The following GRIN2B variants were observed in gnomAD, a reference collection of about 807,000 sequenced individuals.
GRIN2B encodes glutamate receptor ionotropic, NMDA 2B.
In GRIN2B, 5 loss-of-function variants were observed where a neutral mutation model predicts 114.5. The ratio of observed to expected loss-of-function variants is 0.04; its 90% confidence interval spans 0.02 to 0.09. The LOEUF (loss-of-function observed/expected upper bound fraction) is 0.09, where lower values mean the gene tolerates loss of function less well. Among genes scored for constraint, GRIN2B ranks in the 10% least tolerant of loss-of-function variants. The pLI, the probability that GRIN2B is intolerant of heterozygous loss-of-function variation, is 1.00. For missense variants in GRIN2B, 1,108 were observed against 1,943.5 expected, an observed-to-expected ratio of 0.57 and a Z score of 8.08; for synonymous variants, 787 against 745.1, an observed-to-expected ratio of 1.06 and a Z score of -0.92.
intron 3 of GRIN2B, among the ~76,000 whole-genome samples, chr12:13,818,404 T>C (rs902160870): frequency 6.6e-6 from 1 of 152,250 alleles, no homozygotes; most frequent in Non-Finnish European, 1.5e-5. Flanking sequence ...AAGCTCTTCA[T>C]GCACTTTTAT....
intron 2 of GRIN2B, among the ~76,000 whole-genome samples, chr12:13,927,285 G>A (rs1464410255): frequency 6.6e-6 from 1 of 152,152 alleles, no homozygotes; most frequent in East Asian, 1.9e-4. Context: ...TATTTCCCTG[G>A]AGGTTAAGAA....
chr12:13,861,689 G>A (rs1865754320), intron 3 of GRIN2B, among the ~76,000 whole-genome samples: 1 of 152,124 alleles, frequency 6.6e-6, no homozygotes, highest in South Asian at 2.1e-4. Context: ...TTCCCTGGTG[G>A]GGTGAGACCA....
At chr12:13,757,572 T>G (rs981610234) in intron 3 of GRIN2B, among the ~76,000 whole-genome samples, 9 of 152,208 alleles carry the variant, frequency 5.9e-5, no homozygotes, top group Admixed American at 1.3e-4. Flanking sequence ...CTAATGTCAT[T>G]ACAAAATGTT....
At position 13,866,148 on chromosome 12, in the gene GRIN2B, C is replaced by T. The variant is rs79046967; in HGVS notation, c.61G>A (p.Val21Met). 175 of 1,612,876 alleles carry T rather than the reference C, an allele frequency of 1.1e-4. No homozygotes were observed. Among genetic ancestry groups the T allele is most frequent in the Admixed American group, 8.5e-4 (51 of 60,006 alleles). Reference sequence around the variant, plus strand: ...TGAGAACGAGCTCTGCTGCCTGACACGGCCAGGACGGCCAACACCAACCAG... The same window carrying T: ...TGAGAACGAGCTCTGCTGCCTGACATGGCCAGGACGGCCAACACCAACCAG... ...KFWLVLAVLAVSGSRARSQKS... is the reference protein window; with the variant it reads ...KFWLVLAVLAMSGSRARSQKS... The change falls in exon 3 of 14, where the codon GTG (valine) becomes ATG (methionine). Residue 21 changes from valine (V) to methionine (M), a missense_variant. Around this residue, in one of 19 missense-constraint regions of GRIN2B, gnomAD observed 46 missense variants for 44.4 expected, o/e 1.04. Coordinates refer to ENST00000609686, the MANE Select transcript of GRIN2B (RefSeq NM_000834.5).
In GRIN2B at chr12:13,594,427, G is replaced by C. The variant is rs1381907236; in HGVS notation, c.2010+14176C>G. ...TTCGCAGCAAACTAACACAAGCACA[G>C]AAAACCAAATATCACATGTTCTCAT... On this transcript the variant is annotated intron_variant, in intron 10 of 13. Transcript: ENST00000609686. 9.4e-5 allele frequency among the ~76,000 whole-genome samples: 14 copies of C among 148,914 alleles called. No individual in the cohort carries two copies. In the Admixed American group the frequency reaches 9.6e-4, roughly 10 times the overall value.
rs1192745352 is a variant in GRIN2B, at chr12:13,557,874, A to C, written c.*4909T>G. Reference sequence around the variant, plus strand: ...AATGTATACATCCCTAATATGGCTTAATATGTCACCTTTCCTGGGATTACT... The same window carrying C: ...AATGTATACATCCCTAATATGGCTTCATATGTCACCTTTCCTGGGATTACT... On this transcript the variant is annotated 3_prime_UTR_variant, in exon 14 of 14. Transcript: ENST00000609686. 6.6e-6 allele frequency: 1 copy of C among 152,212 alleles called. No individual in the cohort carries two copies. The highest frequency in any genetic ancestry group is 1.5e-5 in the Non-Finnish European group (1 of 68,056). 9.4% of individuals were successfully genotyped at this position (152,212 alleles called of 1,614,324 possible).
rs1055362023 is a variant in GRIN2B, at chr12:13,540,947, G to T, written c.*21836C>A. ...ATGTGACTTTGGGAGGGGTGCAGCT[G>T]TGAATTTGCAACGCAACCCCATAGT... On this transcript the variant is annotated 3_prime_UTR_variant, in exon 14 of 14. Transcript: ENST00000609686. 6.6e-6 allele frequency: 1 copy of T among 152,264 alleles called. No homozygotes were observed. The highest frequency in any genetic ancestry group is 1.5e-5 in the Non-Finnish European group (1 of 68,084). 9.4% of individuals were successfully genotyped at this position (152,264 alleles called of 1,614,324 possible). A position where few individuals can be genotyped will look rare whatever the true frequency, so the allele number is the denominator to read the frequency against.
At chr12:13,968,913 G>A (rs1009039578) in intron 2 of GRIN2B, among the ~76,000 whole-genome samples, 1 of 152,232 alleles carries the variant, frequency 6.6e-6, no homozygotes, top group South Asian at 2.1e-4. Flanking sequence ...AGAAATAGAT[G>A]CAAGAAAATG....
chr12:13,764,515 G>C (rs73300386), intron 3 of GRIN2B, among the ~76,000 whole-genome samples: 3,999 of 152,288 alleles, frequency 0.026, 181 homozygotes, highest in African/African-American at 0.091. Flanking sequence ...CTGAAATGCT[G>C]TTGCTATCTC....
chr12:13,668,095 G>A (rs1177885846), intron 5 of GRIN2B, among the ~76,000 whole-genome samples: 1 of 152,158 alleles, frequency 6.6e-6, no homozygotes, highest in Non-Finnish European at 1.5e-5. Flanking sequence ...ACATTTAAAT[G>A]AGATGGATGA....
chr12:13,779,896 T>C (rs74538754), intron 3 of GRIN2B, among the ~76,000 whole-genome samples: 1 of 152,224 alleles, frequency 6.6e-6, no homozygotes, highest in Non-Finnish European at 1.5e-5. Context: ...TCTTATAATT[T>C]AGTGAGAAGG....
chr12:13,882,469 G>T (rs1866086595), intron 2 of GRIN2B, among the ~76,000 whole-genome samples: 2 of 152,174 alleles, frequency 1.3e-5, no homozygotes, highest in African/African-American at 4.8e-5. Flanking sequence ...AAGAGGCATT[G>T]AGAAATAGTG....
At chr12:13,944,620 G>A (rs1867330217) in intron 2 of GRIN2B, among the ~76,000 whole-genome samples, 4 of 152,196 alleles carry the variant, frequency 2.6e-5, no homozygotes, top group African/African-American at 9.6e-5. Context: ...TGCATGGTAG[G>A]CTTCCTACTT....
chr12:13,741,012 A>G (rs1471851776), intron 4 of GRIN2B, among the ~76,000 whole-genome samples: 1 of 152,134 alleles, frequency 6.6e-6, no homozygotes, highest in Non-Finnish European at 1.5e-5. Context: ...AAGAAATAGC[A>G]GAGAATCCAA....
In GRIN2B at chr12:13,546,112, T is replaced by G. The variant is rs1040384473; in HGVS notation, c.*16671A>C. ...GACCTAACTTTGTGATCCAAAATCATTCCAATATTGAAAAAAAAAGGTTCA... is the reference window on the plus strand; with the variant it reads ...GACCTAACTTTGTGATCCAAAATCAGTCCAATATTGAAAAAAAAAGGTTCA... On this transcript the variant is annotated 3_prime_UTR_variant, in exon 14 of 14. Coordinates refer to ENST00000609686, the MANE Select transcript of GRIN2B (RefSeq NM_000834.5). 3 of 152,216 alleles carry G rather than the reference T, an allele frequency of 2.0e-5. No homozygotes were observed. Among genetic ancestry groups the G allele is most frequent in the Non-Finnish European group, 2.9e-5 (2 of 68,038 alleles). The allele number at this position is 152,216 out of a possible 1,614,324, so 9.4% of individuals were successfully genotyped here.
Position 13,557,205 on chromosome 12 carries a change from T to G in GRIN2B, c.*5578A>C, listed in dbSNP as rs1948487271. ...TGCAACCCCACCCCCCAAACTAGAA[T>G]AGAATCCTAGATTCAGATCAATATT... On this transcript the variant is annotated 3_prime_UTR_variant, in exon 14 of 14. Coordinates refer to ENST00000609686, the MANE Select transcript of GRIN2B (RefSeq NM_000834.5). The G allele has an allele frequency of 6.6e-6, 1 of 152,164 alleles. No homozygotes were observed. The highest frequency in any genetic ancestry group is 6.6e-5 in the Admixed American group (1 of 15,258). The allele number at this position is 152,164 out of a possible 1,614,324, so 9.4% of individuals were successfully genotyped here.
intron 5 of GRIN2B, among the ~76,000 whole-genome samples, chr12:13,656,812 C>T (rs1247661592): frequency 6.6e-6 from 1 of 152,160 alleles, no homozygotes; most frequent in African/African-American, 2.4e-5. Context: ...GTACTTAAAA[C>T]TACAGATTGT....
chr12:13,684,382 G>A (rs1219659581), intron 4 of GRIN2B, among the ~76,000 whole-genome samples: 1 of 152,142 alleles, frequency 6.6e-6, no homozygotes, highest in Admixed American at 6.6e-5. Flanking sequence ...TAGTGAGGCT[G>A]CCTTTTGATG....
chr12:13,705,777 C>A (rs779350986), intron 4 of GRIN2B, among the ~76,000 whole-genome samples: 1 of 152,102 alleles, frequency 6.6e-6, no homozygotes, highest in African/African-American at 2.4e-5. Context: ...GAACTTTAAT[C>A]AAGATGGCTA....
Sources: gnomAD v4.1 joint callset for allele counts (sites outside exome capture counted in the v4.1 genomes callset) on GRCh38, gnomAD v4.1.1 for gene constraint, gnomAD v4.1.1 regional missense constraint, MANE v1.5 for transcripts, NCBI Gene and HGNC (gene_info 2026-07-23, HGNC 2026-07-21) for gene names.